Variants in MAD1L1 observed in about 807,000 individuals in gnomAD.
MAD1L1 encodes the protein mitotic spindle assembly checkpoint protein MAD1.
A neutral mutation model predicts 96.9 loss-of-function variants in MAD1L1; 95 were observed. The ratio of observed to expected loss-of-function variants is 0.98; its 90% CI spans 0.83 to 1.16. The LOEUF is 1.16. Ranked by LOEUF, MAD1L1 falls within the 50% of genes most tolerant of loss-of-function variation. The pLI is 0.00. For missense variants in MAD1L1, 1,007 were observed against 954.4 expected (o/e 1.06, Z -0.73); for synonymous variants, 473 against 396.6 (o/e 1.19, Z -2.29).
intron 18 of MAD1L1, among the ~76,000 whole-genome samples, chr7:1,827,694 C>T (rs1270318369): frequency 1.0e-5 from 1 of 96,660 alleles, no homozygotes; most frequent in African/African-American, 3.5e-5. Flanking sequence ...CTCCTGAGCC[C>T]GTCCCGGGTG....
At chr7:2,083,431 G>GAAT (rs1444888392) in intron 11 of MAD1L1, among the ~76,000 whole-genome samples, 1 of 152,232 alleles carries the variant, frequency 6.6e-6, no homozygotes, top group Non-Finnish European at 1.5e-5. Flanking sequence ...GTGCTTGTTG[G>GAAT]AATCACTGAG....
Position 2,069,732 on chromosome 7 carries a change from G to C in MAD1L1, c.1074-394C>G, listed in dbSNP as rs941135676. Among the ~76,000 whole-genome samples, 8 of 152,204 alleles carry C rather than the reference G, an allele frequency of 5.3e-5. No homozygotes were observed. In the East Asian group the frequency reaches 5.8e-4, roughly 11 times the overall value. On this transcript the variant is annotated intron_variant, in intron 11 of 18. Coordinates refer to ENST00000265854, the MANE Select transcript of MAD1L1 (RefSeq NM_001013836.2). ...CAAGCGCCAGGCGCCTGGTTGGGGG[G>C]CCTGTTCTAAAAACATTCTGTGAGG...
intron 13 of MAD1L1, among the ~76,000 whole-genome samples, chr7:2,004,968 G>A (rs1214375201): frequency 1.3e-5 from 2 of 152,170 alleles, no homozygotes; most frequent in Admixed American, 6.5e-5. Context: ...AAGGTGACTC[G>A]GAGCCAAGGA....
chr7:1,844,540 G>A (rs1325734608), intron 18 of MAD1L1, among the ~76,000 whole-genome samples: 2 of 152,118 alleles, frequency 1.3e-5, no homozygotes, highest in East Asian at 1.9e-4. Flanking sequence ...AGGGAGAGGC[G>A]CAGGCAGGGG....
intron 18 of MAD1L1, among the ~76,000 whole-genome samples, chr7:1,859,080 A>ATG: frequency 3.6e-5 from 3 of 83,088 alleles, no homozygotes; most frequent in Non-Finnish European, 1.0e-4. Flanking sequence ...AGGGCCAGGC[A>ATG]CCTGAGAGAG....
intron 13 of MAD1L1, among the ~76,000 whole-genome samples, chr7:2,012,830 T>C (rs1236376868): frequency 6.6e-6 from 1 of 152,160 alleles, no homozygotes. Context: ...GGCTGGGACC[T>C]GTCATTCTCG....
chr7:2,157,470 C>T (rs1215367546), intron 10 of MAD1L1, among the ~76,000 whole-genome samples: 16 of 152,212 alleles, frequency 1.1e-4, no homozygotes, highest in Admixed American at 9.8e-4. Flanking sequence ...ACACGGAAGA[C>T]GCTGCCCATC....
intron 16 of MAD1L1, among the ~76,000 whole-genome samples, chr7:1,953,128 G>A (rs1779575680): frequency 6.6e-6 from 1 of 152,166 alleles, no homozygotes; most frequent in Non-Finnish European, 1.5e-5. Flanking sequence ...GGTCTGAGGA[G>A]AGGTGACGGG....
At chr7:2,087,111 C>T (rs750659374) in intron 11 of MAD1L1, among the ~76,000 whole-genome samples, 4 of 152,200 alleles carry the variant, frequency 2.6e-5, no homozygotes, top group Non-Finnish European at 4.4e-5. Context: ...AGGGGAAGAG[C>T]GCTGTGACCA....
Position 1,936,736 on chromosome 7 carries a change from G to T in MAD1L1, c.1758C>A (p.Ala586=). The change falls in exon 17 of 19, where the codon GCC becomes GCA. Residue 586 remains alanine, a synonymous_variant. Coordinates refer to ENST00000265854, the MANE Select transcript of MAD1L1 (RefSeq NM_001013836.2). ...GACTCGCGGCGGCAGCCTCAAGGTC[G>T]GCTGGGACGGTGCCTCCTCTCTCCA... ...RAMERGGTVP[A]DLEAAAASLP... 1 of 1,563,962 alleles carries T rather than the reference G, an allele frequency of 6.4e-7. No individual in the cohort carries two copies.
chr7:2,044,841 C>G (rs1405625842), intron 12 of MAD1L1, among the ~76,000 whole-genome samples: 1 of 152,180 alleles, frequency 6.6e-6, no homozygotes, highest in African/African-American at 2.4e-5. Flanking sequence ...TGGACACCCT[C>G]TCAGCTCCTG....
intron 13 of MAD1L1, among the ~76,000 whole-genome samples, chr7:2,013,631 G>A (rs575758370): frequency 1.8e-4 from 27 of 152,400 alleles, no homozygotes; most frequent in African/African-American, 5.5e-4. Flanking sequence ...CGGCGGCGGC[G>A]TGTGCCAGCG....
chr7:2,184,696 G>A (rs934748174), intron 10 of MAD1L1, among the ~76,000 whole-genome samples: 4 of 152,208 alleles, frequency 2.6e-5, no homozygotes, highest in South Asian at 2.1e-4. Context: ...AAGCAGATTC[G>A]TACAAGTTAA....
chr7:1,881,768 G>A lies in MAD1L1; in HGVS notation c.1998+16432C>T, dbSNP rs1395050294. Among the ~76,000 whole-genome samples, 3 of 152,236 alleles carry A rather than the reference G, an allele frequency of 2.0e-5. No individual in the cohort carries two copies. In the East Asian group the frequency reaches 5.8e-4, roughly 29 times the overall value. On this transcript the variant is annotated intron_variant, in intron 18 of 18. Transcript: ENST00000265854. ...CATGAAGATGTGGGGAGGCAGAGGT[G>A]GTGGGAAGGCAGCAGACACGACCCG...
At chr7:1,909,959 G>A (rs1050214283) in intron 17 of MAD1L1, among the ~76,000 whole-genome samples, 3 of 152,186 alleles carry the variant, frequency 2.0e-5, no homozygotes, top group Admixed American at 1.3e-4. Flanking sequence ...GGTGAGCTCT[G>A]TGCAGCTTTC....
intron 10 of MAD1L1, among the ~76,000 whole-genome samples, chr7:2,197,896 C>T (rs1374919947): frequency 2.6e-5 from 4 of 152,080 alleles, no homozygotes; most frequent in Non-Finnish European, 5.9e-5. Context: ...TCCTAGCCCC[C>T]GGGTCCCAGC....
chr7:2,162,001 TG>T (rs1790168660), intron 10 of MAD1L1, among the ~76,000 whole-genome samples: 1 of 142,228 alleles, frequency 7.0e-6, no homozygotes, highest in Non-Finnish European at 1.5e-5. Flanking sequence ...ATCCGGGAGG[TG>T]GGGGGCGGCC....
intron 18 of MAD1L1, among the ~76,000 whole-genome samples, chr7:1,863,663 C>T (rs558630040): frequency 6.6e-6 from 1 of 152,356 alleles, no homozygotes. Flanking sequence ...CTCAGCTGCC[C>T]TGCCCTGCCC....
rs999931526 is a variant in MAD1L1 at position 1,854,964 on chromosome 7, G to A, written c.1999-38736C>T. Among the ~76,000 whole-genome samples the A allele has an allele frequency of 7.2e-5, 11 of 152,354 alleles. No individual in the cohort carries two copies. In the East Asian group the frequency reaches 1.5e-3, roughly 21 times the overall value. Reference sequence around the variant, plus strand: ...GCTGTGGCTCCATGCTCCACCTCTCGTCCACTGGGGAGGCCCCGCGCCCAC... The same window carrying A: ...GCTGTGGCTCCATGCTCCACCTCTCATCCACTGGGGAGGCCCCGCGCCCAC... On this transcript the variant is annotated intron_variant, in intron 18 of 18. Transcript: ENST00000265854.
Sources: allele counts gnomAD v4.1 joint callset (sites outside exome capture counted in the v4.1 genomes callset), GRCh38; gene constraint gnomAD v4.1.1; transcripts MANE v1.5; gene names NCBI Gene and HGNC (gene_info 2026-07-23, HGNC 2026-07-21).